Variants in MLLT3 observed in about 807,000 individuals in gnomAD.
MLLT3 encodes the protein protein AF-9.
In MLLT3, 4 loss-of-function variants were observed where a neutral mutation model predicts 53.2. The observed-to-expected ratio is 0.08, with a 90% CI of 0.04 to 0.17. MLLT3 has a LOEUF of 0.17. MLLT3 is among the 10% of genes least tolerant of loss of function. MLLT3 has a pLI of 1.00. For synonymous variants in MLLT3, 283 were observed against 230.6 expected, an observed-to-expected ratio of 1.23 and a Z score of -2.06; for missense variants, 569 against 684.0, an observed-to-expected ratio of 0.83 and a Z score of 1.87.
intron 2 of MLLT3, among the ~76,000 whole-genome samples, chr9:20,460,810 AC>A (rs1431656804): frequency 6.6e-6 from 1 of 152,138 alleles, no homozygotes; most frequent in Admixed American, 6.6e-5. Context: ...TCTTCTCCAA[AC>A]TCGCTACAAT....
chr9:20,510,073 ATAAATAT>A, intron 2 of MLLT3, among the ~76,000 whole-genome samples: 1 of 152,308 alleles, frequency 6.6e-6, no homozygotes, highest in East Asian at 1.9e-4. Flanking sequence ...GCTATATTAG[ATAAATAT>A]TAAATATTTC....
intron 4 of MLLT3, among the ~76,000 whole-genome samples, chr9:20,441,248 T>C (rs976973908): frequency 6.6e-6 from 1 of 152,132 alleles, no homozygotes; most frequent in Admixed American, 6.6e-5. Context: ...CACAGATTTT[T>C]CTGGTACCTA....
chr9:20,621,802 G>T lies in MLLT3; in HGVS notation c.12+443C>A. The T allele has an allele frequency of 6.9e-7, 1 of 1,451,062 alleles. No homozygotes were observed. The highest frequency in any genetic ancestry group is 9.0e-7 in the Non-Finnish European group (1 of 1,112,626). The allele number at this position is 1,451,062 out of a possible 1,614,324, so 89.9% of individuals were successfully genotyped here. On this transcript the variant is annotated intron_variant, in intron 1 of 10. Transcript: ENST00000380338. The surrounding 1 kb of genome is among the most constrained non-coding windows in gnomAD (Gnocchi z 7.0). ...GTAGCGGCCGCGGCGCTTTGCGGAG[G>T]TGCGGCCGCCGAGGCTGCTCGCCGC...
At chr9:20,508,722 A>T (rs1825446432) in intron 2 of MLLT3, among the ~76,000 whole-genome samples, 1 of 152,202 alleles carries the variant, frequency 6.6e-6, no homozygotes, top group African/African-American at 2.4e-5. Context: ...CCAAACGGCT[A>T]AAAAGATTTG....
chr9:20,472,851 A>C (rs1824428961), intron 2 of MLLT3, among the ~76,000 whole-genome samples: 1 of 152,006 alleles, frequency 6.6e-6, no homozygotes, highest in South Asian at 2.1e-4. Context: ...CCACACTCCC[A>C]AAGAAACTTC....
At chr9:20,534,972 T>C (rs1818441279) in intron 2 of MLLT3, among the ~76,000 whole-genome samples, 1 of 152,132 alleles carries the variant, frequency 6.6e-6, no homozygotes, top group Admixed American at 6.5e-5. Context: ...CATGAACTAA[T>C]CATGGTTTGC....
At chr9:20,476,214 G>A (rs1277472434) in intron 2 of MLLT3, among the ~76,000 whole-genome samples, 1 of 152,026 alleles carries the variant, frequency 6.6e-6, no homozygotes, top group East Asian at 1.9e-4. Context: ...AATGAAACAG[G>A]AGGAGAAATA....
intron 2 of MLLT3, among the ~76,000 whole-genome samples, chr9:20,573,988 T>TG (rs930620588): frequency 6.6e-6 from 1 of 152,222 alleles, no homozygotes; most frequent in Admixed American, 6.5e-5. Context: ...AACTGGTGAC[T>TG]GGTTACTCCT....
chr9:20,513,530 T>C (rs1817815465), intron 2 of MLLT3, among the ~76,000 whole-genome samples: 1 of 152,220 alleles, frequency 6.6e-6, no homozygotes, highest in South Asian at 2.1e-4. Flanking sequence ...TCCAGGGAAC[T>C]AACCAAGCAG....
chr9:20,457,378 T>A (rs1823997476), intron 2 of MLLT3, among the ~76,000 whole-genome samples: 1 of 151,500 alleles, frequency 6.6e-6, no homozygotes, highest in Non-Finnish European at 1.5e-5. Context: ...CCTCCCGAGT[T>A]AGCTGGGATT....
At chr9:20,520,821 A>G (rs10114034) in intron 2 of MLLT3, among the ~76,000 whole-genome samples, 101,730 of 151,946 alleles carry the variant, frequency 0.67, 34,159 homozygotes, top group African/African-American at 0.73. Flanking sequence ...GGGAATAGCA[A>G]AGTGTTAGAA....
At chr9:20,478,880 A>G (rs1824592563) in intron 2 of MLLT3, among the ~76,000 whole-genome samples, 1 of 152,136 alleles carries the variant, frequency 6.6e-6, no homozygotes, top group African/African-American at 2.4e-5. Flanking sequence ...AGCAGAGGTG[A>G]AGTTCCATCT....
chr9:20,494,728 G>A (rs1026033894), intron 2 of MLLT3, among the ~76,000 whole-genome samples: 3 of 151,974 alleles, frequency 2.0e-5, no homozygotes, highest in African/African-American at 4.8e-5. Context: ...TCCCTACCAC[G>A]GACATTTTCT....
intron 10 of MLLT3, among the ~76,000 whole-genome samples, chr9:20,350,054 T>C (rs773438829): frequency 6.6e-6 from 1 of 152,198 alleles, no homozygotes; most frequent in African/African-American, 2.4e-5. Flanking sequence ...TAAGTGTGCA[T>C]TGCTTTCCAG....
intron 2 of MLLT3, among the ~76,000 whole-genome samples, chr9:20,565,925 T>C (rs1220412445): frequency 1.1e-4 from 2 of 18,530 alleles, no homozygotes; most frequent in Non-Finnish European, 1.9e-4. Context: ...TATATATTTA[T>C]ATATATATAT....
intron 5 of MLLT3, among the ~76,000 whole-genome samples, chr9:20,370,557 C>T (rs564417777): frequency 6.6e-6 from 1 of 152,052 alleles, no homozygotes; most frequent in East Asian, 1.9e-4. Flanking sequence ...GTTGCCTAGG[C>T]TGCAGTACAA....
chr9:20,479,793 T>C (rs1301048860), intron 2 of MLLT3, among the ~76,000 whole-genome samples: 1 of 152,224 alleles, frequency 6.6e-6, no homozygotes, highest in Non-Finnish European at 1.5e-5. Flanking sequence ...CATTCATTTG[T>C]ATATATAACC....
chr9:20,543,597 G>C (rs150657162), intron 2 of MLLT3, among the ~76,000 whole-genome samples: 2 of 151,886 alleles, frequency 1.3e-5, no homozygotes, highest in East Asian at 1.9e-4. Flanking sequence ...GGCTATGATC[G>C]TGCCGGTATA....
chr9:20,512,382 G>A (rs1197560077), intron 2 of MLLT3, among the ~76,000 whole-genome samples: 1 of 152,116 alleles, frequency 6.6e-6, no homozygotes, highest in Non-Finnish European at 1.5e-5. Context: ...TAAAACAGTG[G>A]CTCTCAAACT....
Sources: allele counts gnomAD v4.1 joint callset (sites outside exome capture counted in the v4.1 genomes callset), GRCh38; gene constraint gnomAD v4.1.1; non-coding constraint Gnocchi (gnomAD v3.1); transcripts MANE v1.5; gene names NCBI Gene and HGNC (gene_info 2026-07-23, HGNC 2026-07-21).